XPNPEP1: variants seen among roughly 807,000 people sequenced by gnomAD.
XPNPEP1 encodes the protein X-prolyl aminopeptidase 1.
A neutral mutation model predicts 92.4 loss-of-function variants in XPNPEP1; 39 were observed. The ratio of observed to expected loss-of-function variants is 0.42; its 90% CI spans 0.33 to 0.55. The LOEUF (loss-of-function observed/expected upper bound fraction) is 0.55. XPNPEP1 is among the 20% of genes least tolerant of loss of function. The probability of loss-of-function intolerance (pLI) is 0.08; values close to 1 mark genes in which losing one functional copy is unlikely to be tolerated. For synonymous variants in XPNPEP1, 307 were observed against 299.4 expected (o/e 1.03, Z -0.26); for missense variants, 654 against 856.1 (o/e 0.76, Z 2.95).
At chr10:109,878,364 C>T (rs1282037506) in intron 12 of XPNPEP1, 11 of 266,384 alleles carry the variant, frequency 4.1e-5, no homozygotes, top group South Asian at 3.6e-4. Context: ...AAGAAATCAT[C>T]GTAAGAAAAT....
chr10:109,918,198 G>C (rs1448456659), intron 1 of XPNPEP1, among the ~76,000 whole-genome samples: 1 of 151,952 alleles, frequency 6.6e-6, no homozygotes, highest in Non-Finnish European at 1.5e-5. Flanking sequence ...AAGGCAGGCA[G>C]ACTGCCTGAG....
chr10:109,878,430 A>T (rs1171492373), intron 12 of XPNPEP1: 1 of 179,702 alleles, frequency 5.6e-6, no homozygotes, highest in African/African-American at 2.4e-5. Context: ...GATTACTGAT[A>T]ACAGCAAAAA....
At chr10:109,899,377 AAT>A (rs1849157984) in intron 3 of XPNPEP1, among the ~76,000 whole-genome samples, 1 of 152,142 alleles carries the variant, frequency 6.6e-6, no homozygotes, top group Non-Finnish European at 1.5e-5. Context: ...CACCAGCTAA[AAT>A]GGTGGTACTA....
intron 9 of XPNPEP1, among the ~76,000 whole-genome samples, chr10:109,883,450 A>T (rs1848218677): frequency 6.6e-6 from 1 of 152,128 alleles, no homozygotes; most frequent in Non-Finnish European, 1.5e-5. Context: ...TCTGTCCCAC[A>T]AGCAGACTGG....
chr10:109,917,057 T>C (rs1469487643), intron 1 of XPNPEP1, among the ~76,000 whole-genome samples: 1 of 149,032 alleles, frequency 6.7e-6, no homozygotes, highest in African/African-American at 2.6e-5. Context: ...ATCTAGGGAA[T>C]GTCTACTCTT....
In XPNPEP1 at chr10:109,868,719, G is replaced by A. The variant is rs1474052499; in HGVS notation, c.1774-7C>T. 2 of 1,611,180 alleles carry A rather than the reference G, an allele frequency of 1.2e-6. No individual in the cohort carries two copies. The highest frequency in any genetic ancestry group is 1.7e-6 in the Non-Finnish European group (2 of 1,177,520). On this transcript the variant is annotated splice_polypyrimidine_tract_variant and splice_region_variant and intron_variant, in intron 19 of 20. Transcript: ENST00000502935. ...CCCGGTTATTAAAATTATACTGCGG[G>A]AGAAAGAAGAAAACAGATGCTTTTA...
At chr10:109,892,058 G>A (rs901482787) in intron 4 of XPNPEP1, among the ~76,000 whole-genome samples, 21 of 152,164 alleles carry the variant, frequency 1.4e-4, no homozygotes, top group African/African-American at 5.1e-4. Context: ...CCTGGCACTG[G>A]TCCCTGCACA....
At chr10:109,896,134 T>C (rs577624720) in intron 3 of XPNPEP1, among the ~76,000 whole-genome samples, 1 of 152,294 alleles carries the variant, frequency 6.6e-6, no homozygotes, top group Admixed American at 6.5e-5. Context: ...CTGATCATGG[T>C]ATGGCTAGGT....
At chr10:109,901,605 C>T (rs1039885559) in intron 3 of XPNPEP1, among the ~76,000 whole-genome samples, 11 of 152,202 alleles carry the variant, frequency 7.2e-5, no homozygotes, top group Admixed American at 6.5e-4. Context: ...TGCCACCAGC[C>T]ACATGTGTCT....
In XPNPEP1 at chr10:109,888,045, T is replaced by A. The variant is rs749522523; in HGVS notation, c.652+4A>T. 5 of 1,613,914 alleles carry A rather than the reference T, an allele frequency of 3.1e-6. 1 individual carries two copies. The highest frequency in any genetic ancestry group is 4.2e-6 in the Non-Finnish European group (5 of 1,179,966). On this transcript the variant is annotated splice_donor_region_variant and intron_variant, in intron 7 of 20. Transcript: ENST00000502935. ...CCCTGCTGGGCAGAACCATTGATTC[T>A]GACCTGTGTAATCCAGGCCCAGTGT...
chr10:109,908,712 C>T (rs191266366), intron 2 of XPNPEP1, among the ~76,000 whole-genome samples: 24 of 152,352 alleles, frequency 1.6e-4, no homozygotes, highest in African/African-American at 4.6e-4. Context: ...AGGACAGTCA[C>T]CCAAGTGTTA....
Position 109,865,283 on chromosome 10 carries a change from G to T in XPNPEP1, c.1902C>A (p.Thr634=). 6.2e-7 allele frequency: 1 copy of T among 1,614,154 alleles called. No individual in the cohort carries two copies. Among genetic ancestry groups the T allele is most frequent in the Non-Finnish European group, 8.5e-7 (1 of 1,180,042 alleles). ...ATTCCTTCCCAATCACATCCCTGCA[G>T]GTCAGGTGGTAATTGTTGAGCCAGT... ...ECDWLNNYHL[T]CRDVIGKELQ... The change falls in exon 21 of 21, where the codon ACC becomes ACA. Residue 634 remains threonine (T), a synonymous_variant. Transcript: ENST00000502935.
intron 3 of XPNPEP1, among the ~76,000 whole-genome samples, chr10:109,904,419 C>A (rs550636349): frequency 2.7e-4 from 41 of 152,140 alleles, no homozygotes; most frequent in Non-Finnish European, 4.6e-4. Flanking sequence ...ATGAAAAGTA[C>A]TATCACAGAA....
chr10:109,917,087 T>A (rs1218319193), intron 1 of XPNPEP1, among the ~76,000 whole-genome samples: 1 of 151,190 alleles, frequency 6.6e-6, no homozygotes, highest in Admixed American at 6.6e-5. Context: ...GACAGGGATG[T>A]CTACTCTTGG....
At chr10:109,919,607 T>C (rs2133584793) in intron 1 of XPNPEP1, among the ~76,000 whole-genome samples, 1 of 152,302 alleles carries the variant, frequency 6.6e-6, no homozygotes, top group African/African-American at 2.4e-5. Flanking sequence ...TATATATCCT[T>C]ATAAAAAGTT....
Position 109,882,661 on chromosome 10 carries a change from T to C in XPNPEP1, c.831-19A>G. On this transcript the variant is annotated intron_variant, in intron 9 of 20. Transcript: ENST00000502935. ...GAAGAGCCTGCAGATGGAGGAGAGG[T>C]GGGTGGCAGAAAAAGGAGGGAACAT... is the stretch of plus-strand genomic sequence containing the variant. 1.9e-6 allele frequency: 3 copies of C among 1,612,902 alleles called. No individual in the cohort carries two copies. Among genetic ancestry groups the C allele is most frequent in the Non-Finnish European group, 2.5e-6 (3 of 1,179,284 alleles).
intron 5 of XPNPEP1, among the ~76,000 whole-genome samples, chr10:109,890,142 A>T (rs1264519700): frequency 2.0e-5 from 3 of 152,194 alleles, no homozygotes; most frequent in Non-Finnish European, 4.4e-5. Flanking sequence ...AGGAGCCTGG[A>T]GGAGAGGAGG....
At chr10:109,902,933 C>A (rs1195853822) in intron 3 of XPNPEP1, among the ~76,000 whole-genome samples, 1 of 152,230 alleles carries the variant, frequency 6.6e-6, no homozygotes, top group Non-Finnish European at 1.5e-5. Flanking sequence ...CTCACTGCCA[C>A]TCCCAGAAGG....
At chr10:109,891,624 A>C in intron 5 of XPNPEP1, 98 bp downstream of exon 5, 1 of 981,028 alleles carries the variant, frequency 1.0e-6, no homozygotes, top group Non-Finnish European at 1.5e-6. Flanking sequence ...AGGGTCCATG[A>C]CTGCATAAAA....
Sources: gnomAD v4.1 joint callset for allele counts (sites outside exome capture counted in the v4.1 genomes callset) on GRCh38, gnomAD v4.1.1 for gene constraint, MANE v1.5 for transcripts, NCBI Gene and HGNC (gene_info 2026-07-23, HGNC 2026-07-21) for gene names.